ABCB7: variants seen among roughly 807,000 people sequenced by gnomAD.
The protein encoded by ABCB7 is ATP binding cassette subfamily B member 7.
In ABCB7, 7 loss-of-function variants were observed where a neutral mutation model predicts 54.4. The ratio of observed to expected loss-of-function variants is 0.13; its 90% confidence interval spans 0.07 to 0.24. The LOEUF (loss-of-function observed/expected upper bound fraction) is 0.24. ABCB7 is among the 10% of genes least tolerant of loss of function. The pLI is 1.00. For synonymous variants in ABCB7, 218 were observed against 207.1 expected (o/e 1.05, Z -0.45); for missense variants, 356 against 570.4 (o/e 0.62, Z 3.83).
chrX:75,125,167 T>C lies in ABCB7; in HGVS notation c.169-10336A>G, dbSNP rs759259937. Among the ~76,000 whole-genome samples the C allele has an allele frequency of 2.7e-5, 3 of 111,843 alleles. No homozygotes were observed. The South Asian group carries it at 1.1e-3, about 42-fold the overall frequency. ...TTTCATTTACTTGGACCATTCTGTA[T>C]GGCTCAATATGCAGGTCATATCCCA... On this transcript the variant is annotated intron_variant, in intron 1 of 15. Transcript: ENST00000373394.
At chrX:75,147,326 C>T (rs1261258798) in intron 1 of ABCB7, among the ~76,000 whole-genome samples, 2 of 111,430 alleles carry the variant, frequency 1.8e-5, no homozygotes, top group Non-Finnish European at 3.8e-5. Context: ...TGGGTATGTA[C>T]CCCAAGGAAT....
intron 1 of ABCB7, among the ~76,000 whole-genome samples, chrX:75,148,300 G>A (rs1291297325): frequency 2.7e-5 from 3 of 110,719 alleles, no homozygotes; most frequent in African/African-American, 6.6e-5. Flanking sequence ...GTAAAAACAA[G>A]TACAGTATAT....
chrX:75,083,453 C>T (rs2081472247), intron 4 of ABCB7, among the ~76,000 whole-genome samples: 1 of 111,518 alleles, frequency 9.0e-6, no homozygotes, highest in Non-Finnish European at 1.9e-5. Context: ...GAGAAACATA[C>T]TACATTCATC....
chrX:75,081,023 C>G (rs1290152860), intron 4 of ABCB7, among the ~76,000 whole-genome samples: 1 of 111,534 alleles, frequency 9.0e-6, no homozygotes, highest in East Asian at 2.8e-4. Context: ...AAGTAGGAAC[C>G]TGGATTCTCA....
chrX:75,054,856 T>C (rs1438511443), intron 15 of ABCB7, among the ~76,000 whole-genome samples: 2 of 111,061 alleles, frequency 1.8e-5, no homozygotes, highest in African/African-American at 3.3e-5. Flanking sequence ...CCTTTCAATC[T>C]AGAAACTCTT....
intron 4 of ABCB7, among the ~76,000 whole-genome samples, chrX:75,088,588 T>C (rs1178000795): frequency 1.8e-5 from 2 of 111,278 alleles, no homozygotes; most frequent in Non-Finnish European, 3.8e-5. Context: ...AAGACGTATG[T>C]CAGTGAAAAC....
intron 1 of ABCB7, among the ~76,000 whole-genome samples, chrX:75,140,976 A>G (rs1215975244): frequency 8.9e-6 from 1 of 112,067 alleles, no homozygotes; most frequent in Non-Finnish European, 1.9e-5. Flanking sequence ...ATAATCTCAT[A>G]AGGTTAAAAA....
intron 1 of ABCB7, among the ~76,000 whole-genome samples, chrX:75,131,890 T>G (rs1333309552): frequency 1.8e-5 from 2 of 111,291 alleles, no homozygotes; most frequent in Non-Finnish European, 3.8e-5. Flanking sequence ...CTTCTGCCAT[T>G]ACAGCTACAG....
rs1602322887 is a variant in ABCB7, at chrX:75,053,683, T to C, written c.2044-98A>G. 11 of 1,113,805 alleles carry C rather than the reference T, an allele frequency of 9.9e-6. No homozygotes were observed. In the East Asian group the frequency reaches 3.6e-4, roughly 37 times the overall value. The allele number at this position is 1,113,805 out of a possible 1,213,427, so 91.8% of individuals were successfully genotyped here. On this transcript the variant is annotated intron_variant, in intron 15 of 15. Coordinates refer to ENST00000373394, the MANE Select transcript of ABCB7 (RefSeq NM_001271696.3). ...TTTCTAACTAAGGAGTTTGAAGGAT[T>C]TGCATTCATTAAAATACTTCTCCCA...
At chrX:75,078,323 C>A (rs1369346464) in intron 4 of ABCB7, among the ~76,000 whole-genome samples, 1 of 111,476 alleles carries the variant, frequency 9.0e-6, no homozygotes, top group Non-Finnish European at 1.9e-5. Flanking sequence ...CATTTTCTAT[C>A]TTTTTGTTAT....
intron 1 of ABCB7, among the ~76,000 whole-genome samples, chrX:75,151,641 A>G (rs2082132914): frequency 8.9e-6 from 1 of 111,923 alleles, no homozygotes; most frequent in South Asian, 3.7e-4. Context: ...CTATATAAAA[A>G]GGGCTGGTCC....
intron 9 of ABCB7, 35 bp downstream of exon 9, chrX:75,071,474 A>G: frequency 8.4e-7 from 1 of 1,196,943 alleles, no homozygotes; most frequent in Non-Finnish European, 1.1e-6. Context: ...TAAAAGTTGA[A>G]CAGCCTGTAA....
At position 75,134,824 on chromosome X, in the gene ABCB7, G is replaced by A. The variant is rs750505821; in HGVS notation, c.169-19993C>T. Among the ~76,000 whole-genome samples, 8 of 111,213 alleles carry A rather than the reference G, an allele frequency of 7.2e-5. No homozygotes were observed. In the South Asian group the frequency reaches 3.0e-3, roughly 42 times the overall value. ...CCAGAATCTCTGAGACACAACTAAC[G>A]CAGTGTTATGATGAAAACTTAGAGT... is the stretch of plus-strand genomic sequence containing the variant. On this transcript the variant is annotated intron_variant, in intron 1 of 15. Coordinates refer to ENST00000373394, the MANE Select transcript of ABCB7 (RefSeq NM_001271696.3).
At chrX:75,119,268 G>A (rs2081852760) in intron 1 of ABCB7, among the ~76,000 whole-genome samples, 1 of 112,233 alleles carries the variant, frequency 8.9e-6, no homozygotes, top group Non-Finnish European at 1.9e-5. Flanking sequence ...TTTCTGCCTA[G>A]ATTAAAGGGT....
chrX:75,138,690 T>G (rs1313276529), intron 1 of ABCB7, among the ~76,000 whole-genome samples: 1 of 111,441 alleles, frequency 9.0e-6, no homozygotes, highest in Non-Finnish European at 1.9e-5. Context: ...TCTTGAACAT[T>G]ATCCCAGACT....
At chrX:75,149,065 T>C (rs192603830) in intron 1 of ABCB7, among the ~76,000 whole-genome samples, 1 of 111,714 alleles carries the variant, frequency 9.0e-6, no homozygotes. Context: ...CTTTTTCTAA[T>C]ATGCTTTGAA....
At chrX:75,114,883 T>A (rs748356308) in intron 1 of ABCB7, 52 bp from the exon 2 acceptor site, 1 of 949,475 alleles carries the variant, frequency 1.1e-6, no homozygotes, top group Admixed American at 2.3e-5. Context: ...ACACTTAATA[T>A]TCAAAGATTA....
intron 3 of ABCB7, among the ~76,000 whole-genome samples, chrX:75,106,980 A>G (rs2081708780): frequency 9.0e-6 from 1 of 111,009 alleles, no homozygotes; most frequent in South Asian, 3.9e-4. Flanking sequence ...TAGAAAAAAC[A>G]GTCCTAAATT....
intron 1 of ABCB7, among the ~76,000 whole-genome samples, chrX:75,140,236 C>A (rs1012694915): frequency 9.0e-6 from 1 of 111,073 alleles, no homozygotes; most frequent in African/African-American, 3.3e-5. Context: ...GAAGGAGAAA[C>A]TTATTCTATC....
Sources: gnomAD v4.1 joint callset for allele counts (sites outside exome capture counted in the v4.1 genomes callset) on GRCh38, gnomAD v4.1.1 for gene constraint, MANE v1.5 for transcripts, NCBI Gene and HGNC (gene_info 2026-07-23, HGNC 2026-07-21) for gene names.